Variants in CNOT1 observed in about 807,000 individuals in gnomAD.
CNOT1 encodes the protein CCR4-associated factor 1.
In CNOT1, 15 loss-of-function variants were observed where a neutral mutation model predicts 273.8. The ratio of observed to expected loss-of-function variants is 0.05; its 90% confidence interval spans 0.04 to 0.08. The LOEUF is 0.08. Ranked by LOEUF, CNOT1 falls within the 10% of genes least tolerant of loss-of-function variation. CNOT1 has a pLI of 1.00. For synonymous variants in CNOT1, 1,022 were observed against 1,005.5 expected (o/e 1.02, Z -0.31); for missense variants, 1,644 against 2,912.2 (o/e 0.56, Z 10.02).
intron 2 of CNOT1, among the ~76,000 whole-genome samples, chr16:58,591,481 C>T (rs12925702): frequency 0.75 from 114,412 of 152,016 alleles, 43,460 homozygotes; most frequent in Middle Eastern, 0.86. Context: ...GCGCCGGACT[C>T]GGAGGCTCAT....
intron 1 of CNOT1, among the ~76,000 whole-genome samples, chr16:58,611,435 A>C (rs2042895574): frequency 6.6e-6 from 1 of 151,796 alleles, no homozygotes; most frequent in African/African-American, 2.4e-5. Flanking sequence ...TCTCCAAAAA[A>C]AATAAATAAA....
intron 30 of CNOT1, among the ~76,000 whole-genome samples, chr16:58,544,749 T>A (rs1035949627): frequency 2.0e-5 from 3 of 152,244 alleles, no homozygotes; most frequent in Admixed American, 2.0e-4. Context: ...CTGTATTATA[T>A]ATTCTGTTAA....
At chr16:58,577,483 C>T (rs2041498102) in intron 13 of CNOT1, among the ~76,000 whole-genome samples, 1 of 152,110 alleles carries the variant, frequency 6.6e-6, no homozygotes, top group Admixed American at 6.5e-5. Flanking sequence ...ACATTTTTCA[C>T]TTATAATAAA....
At chr16:58,528,327 G>A (rs928996841) in intron 44 of CNOT1, 148 bp downstream of exon 44, 1 of 675,500 alleles carries the variant, frequency 1.5e-6, no homozygotes, top group Non-Finnish European at 2.6e-6. Context: ...CCTTCTATCA[G>A]GCTTAATAAC....
intron 19 of CNOT1, among the ~76,000 whole-genome samples, chr16:58,556,487 A>G (rs2040635883): frequency 6.6e-6 from 1 of 152,246 alleles, no homozygotes; most frequent in Non-Finnish European, 1.5e-5. Flanking sequence ...GGTGAAACAA[A>G]AATTGGAAAC....
chr16:58,538,578 T>C (rs1456323412), intron 36 of CNOT1, among the ~76,000 whole-genome samples, 194 bp downstream of exon 36: 1 of 152,196 alleles, frequency 6.6e-6, no homozygotes. Flanking sequence ...TGGTTTTCTA[T>C]ATCCAACATG....
At chr16:58,540,876 A>G (rs2040072461) in intron 34 of CNOT1, among the ~76,000 whole-genome samples, 3 of 152,214 alleles carry the variant, frequency 2.0e-5, no homozygotes, top group African/African-American at 7.2e-5. Flanking sequence ...AGTTTTCTGT[A>G]AACACCTTTG....
At chr16:58,609,695 T>C (rs1043212599) in intron 1 of CNOT1, among the ~76,000 whole-genome samples, 1 of 152,006 alleles carries the variant, frequency 6.6e-6, no homozygotes, top group African/African-American at 2.4e-5. Context: ...ACTCCTGAGC[T>C]CAAGTAATCC....
chr16:58,574,973 T>C, intron 15 of CNOT1, 34 bp downstream of exon 15: 1 of 1,606,008 alleles, frequency 6.2e-7, no homozygotes, highest in Non-Finnish European at 8.5e-7. Context: ...CACCAAAATT[T>C]AAGAGCAAAA....
intron 1 of CNOT1, among the ~76,000 whole-genome samples, chr16:58,601,750 A>AAAAAAAAAAAAG (rs2042473658): frequency 6.7e-6 from 1 of 150,156 alleles, no homozygotes; most frequent in Non-Finnish European, 1.5e-5. Context: ...AAAAAAAAAA[A>AAAAAAAAAAAAG]AAAAGCCTGT....
chr16:58,566,127 A>G (rs949338450), intron 16 of CNOT1, among the ~76,000 whole-genome samples: 8 of 152,310 alleles, frequency 5.3e-5, no homozygotes, highest in Non-Finnish European at 7.4e-5. Context: ...GTAGACTAAC[A>G]TGGTATCTGA....
intron 17 of CNOT1, chr16:58,559,673 G>A (rs1032172973): frequency 3.9e-5 from 14 of 363,392 alleles, no homozygotes; most frequent in Non-Finnish European, 8.0e-5. Flanking sequence ...AGTAGCCACT[G>A]AATCACTAAC....
chr16:58,582,707 A>G, intron 10 of CNOT1, 86 bp downstream of exon 10: 1 of 811,138 alleles, frequency 1.2e-6, no homozygotes. Flanking sequence ...TGAGTTAACG[A>G]AGGTGGAAAA....
At chr16:58,582,991 A>G in intron 9 of CNOT1, 65 bp downstream of exon 9, 1 of 1,606,074 alleles carries the variant, frequency 6.2e-7, no homozygotes, top group Middle Eastern at 1.7e-4. Context: ...ACTGTAATTT[A>G]ATTAAAAAAA....
At chr16:58,554,593 C>T (rs1339410799) in intron 21 of CNOT1, among the ~76,000 whole-genome samples, 1 of 152,070 alleles carries the variant, frequency 6.6e-6, no homozygotes, top group African/African-American at 2.4e-5. Flanking sequence ...AAATAACCAA[C>T]CAAAAAACCT....
At chr16:58,528,374 T>C (rs1338760900) in intron 44 of CNOT1, 101 bp downstream of exon 44, 1 of 801,164 alleles carries the variant, frequency 1.2e-6, no homozygotes. Context: ...ACTAATAGTG[T>C]GCGTGTTATG....
intron 47 of CNOT1, among the ~76,000 whole-genome samples, chr16:58,521,628 C>CA (rs1235691269): frequency 6.6e-6 from 1 of 152,150 alleles, no homozygotes; most frequent in Non-Finnish European, 1.5e-5. Context: ...ACATGGCACA[C>CA]AAAGTTAGTA....
At chr16:58,603,001 G>A (rs777890304) in intron 1 of CNOT1, among the ~76,000 whole-genome samples, 8 of 152,066 alleles carry the variant, frequency 5.3e-5, no homozygotes, top group Non-Finnish European at 8.8e-5. Context: ...CCAAAATCTT[G>A]GAGCCAATAC....
chr16:58,563,041 T>C (rs1034356321), intron 16 of CNOT1, among the ~76,000 whole-genome samples: 3 of 152,208 alleles, frequency 2.0e-5, no homozygotes, highest in Non-Finnish European at 4.4e-5. Flanking sequence ...TGAAAATTTG[T>C]ACTTGTGCCA....
Sources: allele counts gnomAD v4.1 joint callset (sites outside exome capture counted in the v4.1 genomes callset), GRCh38; gene constraint gnomAD v4.1.1; transcripts MANE v1.5; gene names NCBI Gene and HGNC (gene_info 2026-07-23, HGNC 2026-07-21).